The following EIF4G3 variants were observed in gnomAD, a reference collection of about 807,000 sequenced individuals.
EIF4G3 encodes eIF-4-gamma 3.
Under a neutral mutation model 186.4 loss-of-function variants are expected in EIF4G3, and 34 were observed. The ratio of observed to expected loss-of-function variants is 0.18; its 90% CI spans 0.14 to 0.24. The LOEUF is 0.24. EIF4G3 is among the 10% of genes least tolerant of loss of function. The pLI is 1.00. For missense variants in EIF4G3, 1,536 were observed against 1,948.5 expected (o/e 0.79, Z 3.99); for synonymous variants, 673 against 679.5 (o/e 0.99, Z 0.15).
intron 30 of EIF4G3, among the ~76,000 whole-genome samples, chr1:20,839,022 A>G (rs1293445524): frequency 6.6e-6 from 1 of 152,118 alleles, no homozygotes; most frequent in Non-Finnish European, 1.5e-5. Context: ...TCTGTCGCCC[A>G]GAATGGAGTG....
intron 14 of EIF4G3, among the ~76,000 whole-genome samples, chr1:20,915,347 A>G (rs1040551925): frequency 6.6e-6 from 1 of 152,128 alleles, no homozygotes; most frequent in South Asian, 2.1e-4. Flanking sequence ...TGAAGGAGAA[A>G]ACTCACTAAC....
Position 20,812,123 on chromosome 1 carries a change from G to A in EIF4G3, c.4597+1035C>T, listed in dbSNP as rs1366791487. Among the ~76,000 whole-genome samples the A allele has an allele frequency of 1.3e-5, 2 of 152,066 alleles. 1 individual carries two copies. The highest frequency in any genetic ancestry group is 2.9e-5 in the Non-Finnish European group (2 of 68,006). On this transcript the variant is annotated intron_variant, in intron 35 of 36. Transcript: ENST00000602326. ...CTAAGACACAATTTTGTTTTTAAAA[G>A]CAGATTTTGCTTTTAAAATCTGGCC...
rs140804934 is a variant in EIF4G3 at position 20,981,738 on chromosome 1, A to G, written c.199-511T>C. 3.9e-3 allele frequency among the ~76,000 whole-genome samples: 570 copies of G among 144,772 alleles called. 31 individuals are homozygous for G. The highest frequency in any genetic ancestry group is 5.6e-3 in the Non-Finnish European group (357 of 64,052). 95.0% of individuals were successfully genotyped at this position (144,772 alleles called of 152,430 possible). ...ACATACATGTATACGCACATACTGT[A>G]TATACACATACATATATGTATACAC... On this transcript the variant is annotated intron_variant, in intron 8 of 36. Coordinates refer to ENST00000602326, the MANE Select transcript of EIF4G3 (RefSeq NM_001391906.1).
At chr1:21,061,577 A>C (rs2094915046) in intron 3 of EIF4G3, among the ~76,000 whole-genome samples, 1 of 152,190 alleles carries the variant, frequency 6.6e-6, no homozygotes, top group Non-Finnish European at 1.5e-5. Flanking sequence ...CTAATTATCA[A>C]AACTAGCAAA....
intron 14 of EIF4G3, among the ~76,000 whole-genome samples, chr1:20,937,213 C>T (rs1014101250): frequency 2.0e-5 from 3 of 152,088 alleles, no homozygotes; most frequent in South Asian, 2.1e-4. Context: ...ACCACTGAAC[C>T]AACACAGTGA....
At chr1:20,863,767 AAGAGAG>A (rs10562823) in intron 22 of EIF4G3, among the ~76,000 whole-genome samples, 1 of 148,880 alleles carries the variant, frequency 6.7e-6, no homozygotes, top group African/African-American at 2.5e-5. Flanking sequence ...AAAAAAAAAA[AAGAGAG>A]AGAGAGAGAG....
chr1:20,858,754 T>C (rs2075664535), intron 24 of EIF4G3, among the ~76,000 whole-genome samples: 1 of 152,076 alleles, frequency 6.6e-6, no homozygotes, highest in African/African-American at 2.4e-5. Flanking sequence ...CCCAGCACTT[T>C]GGGAGGCCGA....
intron 34 of EIF4G3, among the ~76,000 whole-genome samples, chr1:20,815,814 T>G (rs1485518131): frequency 5.3e-5 from 5 of 95,066 alleles, no homozygotes; most frequent in African/African-American, 1.7e-4. Context: ...AGCCGCCCAG[T>G]CCGGGAGGGA....
intron 2 of EIF4G3, among the ~76,000 whole-genome samples, chr1:21,131,343 C>T (rs2097149869): frequency 2.8e-5 from 4 of 142,294 alleles, no homozygotes; most frequent in Middle Eastern, 4.1e-3. Context: ...AGAGGTTCCA[C>T]TAATGTGGGA....
intron 3 of EIF4G3, among the ~76,000 whole-genome samples, chr1:21,058,719 CTTTTTTTTTTTTTTTTTT>C (rs66576703): frequency 1.2e-5 from 1 of 82,014 alleles, no homozygotes; most frequent in Admixed American, 1.6e-4. Context: ...CTCTCTCTCT[CTTTTTTTTTTTTTTTTTT>C]TTTTTTTTTT....
At chr1:20,901,314 C>T (rs1248259202) in intron 15 of EIF4G3, among the ~76,000 whole-genome samples, 1 of 152,046 alleles carries the variant, frequency 6.6e-6, no homozygotes, top group Non-Finnish European at 1.5e-5. Flanking sequence ...AAATTTTAGA[C>T]TCTACTATAG....
intron 4 of EIF4G3, among the ~76,000 whole-genome samples, chr1:21,037,732 AG>A (rs2093320504): frequency 1.3e-5 from 2 of 152,242 alleles, no homozygotes; most frequent in African/African-American, 4.8e-5. Context: ...TGCTTGTATA[AG>A]ATCTGAAAAT....
intron 20 of EIF4G3, among the ~76,000 whole-genome samples, chr1:20,871,429 A>G (rs2079165493): frequency 6.6e-6 from 1 of 152,206 alleles, no homozygotes. Flanking sequence ...GCCTCCAGAC[A>G]CTGCCAAATG....
chr1:20,828,528 T>C (rs922571977), intron 31 of EIF4G3, among the ~76,000 whole-genome samples: 5 of 152,194 alleles, frequency 3.3e-5, no homozygotes, highest in African/African-American at 1.2e-4. Context: ...TATAGGACTG[T>C]CATAAACTTT....
At chr1:20,851,786 G>A (rs2154550532) in intron 27 of EIF4G3, among the ~76,000 whole-genome samples, 1 of 152,264 alleles carries the variant, frequency 6.6e-6, no homozygotes, top group East Asian at 1.9e-4. Context: ...GGGAGGCCGA[G>A]CAGGGCAGAT....
intron 4 of EIF4G3, among the ~76,000 whole-genome samples, chr1:21,035,634 G>T (rs2093131023): frequency 6.6e-6 from 1 of 152,258 alleles, no homozygotes; most frequent in South Asian, 2.1e-4. Context: ...CAAACTTTGG[G>T]TGCCAAAGAC....
chr1:21,169,904 C>A, intron 2 of EIF4G3, among the ~76,000 whole-genome samples: 1 of 152,196 alleles, frequency 6.6e-6, no homozygotes, highest in East Asian at 1.9e-4. Flanking sequence ...AGGCCAGGCA[C>A]GGTGGCTCAA....
intron 2 of EIF4G3, among the ~76,000 whole-genome samples, chr1:21,152,481 C>A (rs1202209253): frequency 1.3e-5 from 2 of 151,366 alleles, no homozygotes; most frequent in Admixed American, 6.6e-5. Context: ...AAATAAAACG[C>A]CCCCTTACAG....
intron 32 of EIF4G3, among the ~76,000 whole-genome samples, chr1:20,825,415 T>C (rs200049968): frequency 6.7e-6 from 1 of 148,276 alleles, no homozygotes; most frequent in African/African-American, 2.5e-5. Context: ...GAGTATGAGG[T>C]CTGGCCCAGG....
Sources: allele counts gnomAD v4.1 joint callset (sites outside exome capture counted in the v4.1 genomes callset), GRCh38; gene constraint gnomAD v4.1.1; transcripts MANE v1.5; gene names NCBI Gene and HGNC (gene_info 2026-07-23, HGNC 2026-07-21).